Variants in RORA observed in about 807,000 individuals in gnomAD.
RORA encodes RAR related orphan receptor A, also known as nuclear receptor ROR-alpha.
In RORA, 7 loss-of-function variants were observed where a neutral mutation model predicts 69.5. The observed-to-expected ratio is 0.10, with a 90% CI of 0.06 to 0.19. The LOEUF (loss-of-function observed/expected upper bound fraction) is 0.19, where lower values mean the gene tolerates loss of function less well. Among genes scored for constraint, RORA ranks in the 10% least tolerant of loss-of-function variants. RORA has a pLI of 1.00. For missense variants in RORA, 457 were observed against 663.0 expected (o/e 0.69, Z 3.41); for synonymous variants, 261 against 240.8 (o/e 1.08, Z -0.78).
intron 1 of RORA, among the ~76,000 whole-genome samples, chr15:60,838,900 T>G (rs568965229): frequency 0.014 from 2,116 of 148,128 alleles, 70 homozygotes; most frequent in African/African-American, 0.05. Flanking sequence ...ATACTTTTTT[T>G]TTTTTTCAGA....
chr15:60,530,894 T>C (rs1211699574), intron 3 of RORA: 1 of 152,218 alleles, frequency 6.6e-6, no homozygotes, highest in Admixed American at 6.5e-5. Flanking sequence ...TTGCACTGTT[T>C]TATCCTGTAA....
At chr15:61,220,057 G>A (rs1187394686) in intron 1 of RORA, among the ~76,000 whole-genome samples, 2 of 152,202 alleles carry the variant, frequency 1.3e-5, no homozygotes, top group East Asian at 3.8e-4. Flanking sequence ...AATTGCCCGG[G>A]TTCCCACTTT....
At chr15:61,101,190 C>T (rs754160114) in intron 1 of RORA, among the ~76,000 whole-genome samples, 3 of 152,150 alleles carry the variant, frequency 2.0e-5, no homozygotes, top group African/African-American at 2.4e-5. Context: ...TTAAAATATA[C>T]GGAAGACATC....
At chr15:60,802,096 T>A (rs1305916797) in intron 1 of RORA, among the ~76,000 whole-genome samples, 1 of 151,986 alleles carries the variant, frequency 6.6e-6, no homozygotes, top group Non-Finnish European at 1.5e-5. Context: ...GAGTGGGAAG[T>A]TGGGTAAAAA....
At position 61,038,022 on chromosome 15, in the gene RORA, T is replaced by C. The variant is rs118092001; in HGVS notation, c.166+191031A>G. Reference sequence around the variant, plus strand: ...TGCATTAACATGGGTGTGTTTAAGATTTGATTAAATGTTTGTTGTTTCTGT... The same window carrying C: ...TGCATTAACATGGGTGTGTTTAAGACTTGATTAAATGTTTGTTGTTTCTGT... On this transcript the variant is annotated intron_variant, in intron 1 of 10. Coordinates refer to ENST00000335670, the MANE Select transcript of RORA (RefSeq NM_134261.3). Among the ~76,000 whole-genome samples the C allele has an allele frequency of 9.2e-5, 14 of 152,298 alleles. No individual in the cohort carries two copies. In the East Asian group the frequency reaches 2.5e-3, roughly 27 times the overall value.
intron 5 of RORA, among the ~76,000 whole-genome samples, chr15:60,507,330 G>T (rs1486943538): frequency 6.6e-6 from 1 of 152,116 alleles, no homozygotes; most frequent in Non-Finnish European, 1.5e-5. Flanking sequence ...TTTTTGTTTG[G>T]AAATTTGTTA....
At chr15:60,527,370 A>G (rs1345342745) in intron 3 of RORA, among the ~76,000 whole-genome samples, 1 of 152,264 alleles carries the variant, frequency 6.6e-6, no homozygotes, top group Admixed American at 6.5e-5. Flanking sequence ...AACCTTAACC[A>G]ATGATTATTT....
At chr15:60,976,974 T>A (rs1356309250) in intron 1 of RORA, among the ~76,000 whole-genome samples, 1 of 152,178 alleles carries the variant, frequency 6.6e-6, no homozygotes, top group Non-Finnish European at 1.5e-5. Context: ...GTCCTGGGTT[T>A]CCCAGGACAG....
chr15:60,965,400 G>A (rs555770846), intron 1 of RORA, among the ~76,000 whole-genome samples: 2 of 152,302 alleles, frequency 1.3e-5, no homozygotes, highest in East Asian at 1.9e-4. Context: ...CCAAGGCCCA[G>A]TAGTCAGGGC....
intron 1 of RORA, among the ~76,000 whole-genome samples, chr15:61,060,025 G>A (rs188834204): frequency 2.8e-4 from 40 of 144,992 alleles, no homozygotes; most frequent in African/African-American, 1.1e-3. Flanking sequence ...AGAAGAAGAA[G>A]AAGAAGAAGA....
chr15:61,042,402 C>T (rs1322080514), intron 1 of RORA, among the ~76,000 whole-genome samples: 1 of 152,178 alleles, frequency 6.6e-6, no homozygotes, highest in Non-Finnish European at 1.5e-5. Flanking sequence ...CACATACACA[C>T]AAACACACAA....
intron 1 of RORA, among the ~76,000 whole-genome samples, chr15:61,146,324 T>C (rs1160659): frequency 0.64 from 97,160 of 151,816 alleles, 32,930 homozygotes; most frequent in Non-Finnish European, 0.77. Context: ...AAAATCTACA[T>C]AAATCCCTAC....
chr15:61,103,269 G>A (rs1463743918), intron 1 of RORA, among the ~76,000 whole-genome samples: 1 of 152,144 alleles, frequency 6.6e-6, no homozygotes, highest in Admixed American at 6.5e-5. Context: ...GCTGCTTTGG[G>A]GCAGGCAGGA....
intron 1 of RORA, among the ~76,000 whole-genome samples, chr15:60,935,033 C>T (rs1049198773): frequency 1.1e-4 from 17 of 152,228 alleles, no homozygotes; most frequent in African/African-American, 4.1e-4. Context: ...GCAGTAGGTA[C>T]TATTATTATC....
rs972833391 is a variant in RORA, at chr15:60,539,133, T to C, written c.197-7282A>G. ...TTTCTTCAGTCTTTTAAAGACTTAG[T>C]TGTGTAAGAGTTAAAATACTGCGCC... On this transcript the variant is annotated intron_variant, in intron 2 of 10. Coordinates refer to ENST00000335670, the MANE Select transcript of RORA (RefSeq NM_134261.3). Among the ~76,000 whole-genome samples, 4 of 152,210 alleles carry C rather than the reference T, an allele frequency of 2.6e-5. No homozygotes were observed. In the East Asian group the frequency reaches 7.7e-4, roughly 29 times the overall value.
At chr15:60,765,900 C>A (rs1347165027) in intron 1 of RORA, among the ~76,000 whole-genome samples, 1 of 151,710 alleles carries the variant, frequency 6.6e-6, no homozygotes, top group African/African-American at 2.4e-5. Flanking sequence ...ACTCACTCAG[C>A]TTCTAGTGAG....
intron 1 of RORA, among the ~76,000 whole-genome samples, chr15:60,983,914 C>T (rs1484690814): frequency 2.6e-5 from 4 of 152,170 alleles, no homozygotes; most frequent in Non-Finnish European, 5.9e-5. Context: ...CAGAATAAAT[C>T]TCTTCAAATA....
At chr15:60,642,850 T>C (rs2069967574) in intron 2 of RORA, among the ~76,000 whole-genome samples, 1 of 152,150 alleles carries the variant, frequency 6.6e-6, no homozygotes, top group African/African-American at 2.4e-5. Context: ...CACTCCAGCC[T>C]GGGCAACAGA....
chr15:60,968,620 T>C (rs1893622901), intron 1 of RORA, among the ~76,000 whole-genome samples: 1 of 152,198 alleles, frequency 6.6e-6, no homozygotes, highest in South Asian at 2.1e-4. Context: ...TGTGTTTGTA[T>C]TTTAAAAATG....
Sources: gnomAD v4.1 joint callset for allele counts (sites outside exome capture counted in the v4.1 genomes callset) on GRCh38, gnomAD v4.1.1 for gene constraint, MANE v1.5 for transcripts, NCBI Gene and HGNC (gene_info 2026-07-23, HGNC 2026-07-21) for gene names.